INTS7: variants seen among roughly 807,000 people sequenced by gnomAD.
The protein encoded by INTS7 is integrator complex subunit 7.
A neutral mutation model predicts 109.2 loss-of-function variants in INTS7; 46 were observed. The observed-to-expected ratio is 0.42, with a 90% CI of 0.33 to 0.54. INTS7 has a LOEUF of 0.54. INTS7 is among the 20% of genes least tolerant of loss of function. INTS7 has a pLI of 0.07. For synonymous variants in INTS7, 412 were observed against 402.9 expected, an observed-to-expected ratio of 1.02 and a Z score of -0.27; for missense variants, 929 against 1,132.4, an observed-to-expected ratio of 0.82 and a Z score of 2.58.
chr1:211,960,037 G>A (rs1194968348), intron 16 of INTS7, among the ~76,000 whole-genome samples: 3 of 152,140 alleles, frequency 2.0e-5, no homozygotes, highest in Admixed American at 1.3e-4. Flanking sequence ...CTAATGAAAC[G>A]CCTTGGCTGG....
intron 4 of INTS7, among the ~76,000 whole-genome samples, chr1:212,014,700 C>T (rs567808658): frequency 3.0e-4 from 43 of 145,492 alleles, no homozygotes; most frequent in African/African-American, 7.0e-4. Flanking sequence ...TGCGCCGCCA[C>T]GCCTGACTGG....
At chr1:212,028,610 T>C in intron 1 of INTS7, among the ~76,000 whole-genome samples, 1 of 152,088 alleles carries the variant, frequency 6.6e-6, no homozygotes, top group East Asian at 1.9e-4. Flanking sequence ...TGAAGGACCA[T>C]GAAATCTAAG....
At chr1:212,028,767 G>A (rs1558061924) in intron 1 of INTS7, among the ~76,000 whole-genome samples, 1 of 152,172 alleles carries the variant, frequency 6.6e-6, no homozygotes, top group Non-Finnish European at 1.5e-5. Context: ...GTCACTTTAA[G>A]CACTTTGCAT....
chr1:212,007,382 T>A lies in INTS7; in HGVS notation c.624A>T (p.Ala208=), dbSNP rs139768234. The change falls in exon 6 of 20, where the codon GCA becomes GCT. Residue 208 remains alanine, a synonymous_variant. Coordinates refer to ENST00000366994, the MANE Select transcript of INTS7 (RefSeq NM_015434.4). ...GCTGACGAGCACTGGAAGCCAAGAT[T>A]GCATCATGGTGCATGTGCTGTAGAA... ...IPILQHMHHD[A]ILASSARQLL... 59 of 1,613,830 alleles carry A rather than the reference T, an allele frequency of 3.7e-5. No individual in the cohort carries two copies. The highest frequency in any genetic ancestry group is 3.1e-5 in the Non-Finnish European group (37 of 1,179,862).
rs370615386 is a variant in INTS7, at chr1:212,035,446, T to G, written c.-9A>C. ...GTTGAGTTTGACGCCATGACCCGAA[T>G]AGTTACTCGACTAGCCTAGTCAGAA... On this transcript the variant is annotated 5_prime_UTR_variant, in exon 1 of 20. Transcript: ENST00000366994. 2.4e-5 allele frequency: 39 copies of G among 1,598,424 alleles called. No individual in the cohort carries two copies. The highest frequency in any genetic ancestry group is 3.2e-5 in the Non-Finnish European group (37 of 1,165,918).
At chr1:211,988,081 C>A in intron 7 of INTS7, 78 bp from the exon 8 acceptor site, 1 of 723,164 alleles carries the variant, frequency 1.4e-6, no homozygotes, top group South Asian at 2.2e-5. Flanking sequence ...TTTACATTTT[C>A]TGGCTTTTAG....
intron 17 of INTS7, among the ~76,000 whole-genome samples, chr1:211,951,681 G>T (rs1663099385): frequency 6.6e-6 from 1 of 152,192 alleles, no homozygotes; most frequent in African/African-American, 2.4e-5. Flanking sequence ...GATGTAATAA[G>T]AAGGTGGCTG....
At chr1:211,995,181 A>G (rs993976292) in intron 7 of INTS7, among the ~76,000 whole-genome samples, 9 of 152,176 alleles carry the variant, frequency 5.9e-5, no homozygotes, top group Admixed American at 2.0e-4. Flanking sequence ...TCACTAGAGG[A>G]AGACAAGAAC....
At chr1:212,001,346 C>T (rs930392901) in intron 7 of INTS7, among the ~76,000 whole-genome samples, 1 of 152,092 alleles carries the variant, frequency 6.6e-6, no homozygotes, top group South Asian at 2.1e-4. Flanking sequence ...CCACCACGCC[C>T]GGCCCAGAAT....
chr1:211,974,400 T>C (rs1352860844), intron 13 of INTS7, among the ~76,000 whole-genome samples: 1 of 150,136 alleles, frequency 6.7e-6, no homozygotes, highest in Non-Finnish European at 1.5e-5. Flanking sequence ...TCTTTTGAGA[T>C]AGGCCACCAT....
rs1666762661 is a variant in INTS7 at position 212,022,736 on chromosome 1, CCTTTA to C, written c.95-1529_95-1525del. On this transcript the variant is annotated intron_variant, in intron 1 of 19. Transcript: ENST00000366994. The stretch of plus-strand genomic sequence containing the variant: ...TCTTTTGACAACCCTCTGGCTCTTT[CCTTTA>C]CTTTTCATTTTTCTTTTATTTTAGA... Among the ~76,000 whole-genome samples the C allele has an allele frequency of 2.0e-5, 3 of 152,258 alleles. No homozygotes were observed. In the South Asian group the frequency reaches 6.2e-4, roughly 32 times the overall value.
At chr1:212,015,769 T>C (rs1399343500) in intron 4 of INTS7, among the ~76,000 whole-genome samples, 1 of 146,674 alleles carries the variant, frequency 6.8e-6, no homozygotes, top group Non-Finnish European at 1.5e-5. Flanking sequence ...TTCAAAAAAT[T>C]TATTATTCAC....
chr1:212,028,033 G>A (rs1433056457), intron 1 of INTS7, among the ~76,000 whole-genome samples: 1 of 152,060 alleles, frequency 6.6e-6, no homozygotes, highest in African/African-American at 2.4e-5. Flanking sequence ...CACCATGTTG[G>A]CCAGGCCAAT....
intron 11 of INTS7, among the ~76,000 whole-genome samples, chr1:211,977,066 C>T (rs978160753): frequency 6.6e-6 from 1 of 152,000 alleles, no homozygotes; most frequent in African/African-American, 2.4e-5. Context: ...CAAAAGATTA[C>T]AAGTAGTATG....
At chr1:212,018,728 AAT>A (rs1666558051) in intron 3 of INTS7, among the ~76,000 whole-genome samples, 2 of 152,130 alleles carry the variant, frequency 1.3e-5, no homozygotes, top group Non-Finnish European at 2.9e-5. Flanking sequence ...TTTTTAAAAC[AAT>A]ATCTTTCTAT....
intron 3 of INTS7, among the ~76,000 whole-genome samples, chr1:212,017,639 T>C (rs1460505811): frequency 1.3e-5 from 2 of 152,240 alleles, no homozygotes; most frequent in Non-Finnish European, 2.9e-5. Flanking sequence ...TGGTATAAAC[T>C]ACAGAAAGTA....
chr1:211,952,756 C>A (rs1480811622), intron 16 of INTS7, 55 bp from the exon 17 acceptor site: 3 of 1,371,686 alleles, frequency 2.2e-6, no homozygotes, highest in African/African-American at 2.9e-5. Flanking sequence ...CTATTTAATG[C>A]CTACATGTAT....
At chr1:211,989,779 G>A (rs1413892534) in intron 7 of INTS7, among the ~76,000 whole-genome samples, 10 of 147,482 alleles carry the variant, frequency 6.8e-5, no homozygotes, top group Admixed American at 5.5e-4. Context: ...CCAAGATCGC[G>A]CCACTGTATT....
intron 11 of INTS7, 75 bp from the exon 12 acceptor site, chr1:211,976,794 G>A (rs1664440722): frequency 7.1e-7 from 1 of 1,410,396 alleles, no homozygotes; most frequent in Admixed American, 1.8e-5. Flanking sequence ...ACCCCAAAGG[G>A]AGGAAAACTA....
Sources: gnomAD v4.1 joint callset for allele counts (sites outside exome capture counted in the v4.1 genomes callset) on GRCh38, gnomAD v4.1.1 for gene constraint, MANE v1.5 for transcripts, NCBI Gene and HGNC (gene_info 2026-07-23, HGNC 2026-07-21) for gene names.